Variants in DLGAP1 observed in about 807,000 individuals in gnomAD.
DLGAP1 encodes disks large-associated protein 1.
A neutral mutation model predicts 90.8 loss-of-function variants in DLGAP1; 11 were observed. That is an observed-to-expected ratio of 0.12 (90% CI 0.08 to 0.20). The LOEUF is 0.20. DLGAP1 is among the 10% of genes least tolerant of loss of function. DLGAP1 has a pLI of 1.00. For synonymous variants in DLGAP1, 558 were observed against 540.7 expected (o/e 1.03, Z -0.44); for missense variants, 1,050 against 1,333.8 (o/e 0.79, Z 3.31).
At chr18:3,596,709 C>A in intron 7 of DLGAP1, 2 of 423,444 alleles carry the variant, frequency 4.7e-6, no homozygotes. Context: ...TACATGAAGG[C>A]GTGAACAGGG....
intron 1 of DLGAP1, among the ~76,000 whole-genome samples, chr18:4,321,935 C>G (rs370286316): frequency 6.8e-6 from 1 of 147,804 alleles, no homozygotes; most frequent in African/African-American, 2.6e-5. Flanking sequence ...GGGTGGTTCA[C>G]GCCTGTAAAC....
intron 1 of DLGAP1, among the ~76,000 whole-genome samples, chr18:4,397,068 G>A (rs78385120): frequency 7.6e-4 from 115 of 152,232 alleles, no homozygotes; most frequent in African/African-American, 2.7e-3. Context: ...ACCAAGGCAG[G>A]GTGTTTAAAC....
chr18:4,171,982 T>C (rs1006345605), intron 1 of DLGAP1, among the ~76,000 whole-genome samples: 6 of 152,206 alleles, frequency 3.9e-5, no homozygotes, highest in Non-Finnish European at 7.3e-5. Context: ...GATTTTTCCT[T>C]CTAGCACTTG....
chr18:4,387,275 AAAAG>A (rs1040162964), intron 1 of DLGAP1, among the ~76,000 whole-genome samples: 6 of 152,224 alleles, frequency 3.9e-5, no homozygotes, highest in African/African-American at 1.4e-4. Context: ...GGGGAGTAAA[AAAAG>A]AATTTAATAG....
chr18:4,353,465 C>T (rs2081441261), intron 1 of DLGAP1, among the ~76,000 whole-genome samples: 1 of 152,172 alleles, frequency 6.6e-6, no homozygotes, highest in African/African-American at 2.4e-5. Context: ...CAGGAGATTG[C>T]AACCTCCGTG....
intron 1 of DLGAP1, among the ~76,000 whole-genome samples, chr18:4,226,968 C>T (rs903690496): frequency 1.3e-5 from 2 of 151,658 alleles, no homozygotes; most frequent in South Asian, 4.1e-4. Flanking sequence ...AAGAAGGGCA[C>T]TTCACCTATA....
chr18:3,714,404 A>AT (rs2061691518), intron 7 of DLGAP1, among the ~76,000 whole-genome samples: 1 of 152,198 alleles, frequency 6.6e-6, no homozygotes, highest in Non-Finnish European at 1.5e-5. Context: ...AGGGATGGAA[A>AT]TACAATCCCA....
intron 1 of DLGAP1, among the ~76,000 whole-genome samples, chr18:4,385,494 A>C (rs1431815351): frequency 3.9e-5 from 6 of 152,138 alleles, no homozygotes; most frequent in Non-Finnish European, 7.3e-5. Flanking sequence ...CCTTAGCAGA[A>C]AACTCTGTTG....
At chr18:3,793,911 A>T (rs1163097516) in intron 5 of DLGAP1, among the ~76,000 whole-genome samples, 1 of 151,850 alleles carries the variant, frequency 6.6e-6, no homozygotes, top group African/African-American at 2.4e-5. Context: ...CTTGCTCTTT[A>T]TGTCACTTAT....
In DLGAP1 at chr18:3,660,897, G is replaced by C. The variant is rs1360988537; in HGVS notation, c.1591+68238C>G. Among the ~76,000 whole-genome samples, 1 of 151,980 alleles carries C rather than the reference G, an allele frequency of 6.6e-6. No individual in the cohort carries two copies. Among genetic ancestry groups the C allele is most frequent in the Non-Finnish European group, 1.5e-5 (1 of 68,008 alleles). On this transcript the variant is annotated intron_variant, in intron 7 of 12. Transcript: ENST00000315677. The surrounding 1 kb of genome is among the most constrained non-coding windows in gnomAD (Gnocchi z 4.2). ...TCTTGTCTCAACTGTCATCACCCTGGGCCAAATTATGACAGCAATGTTCAC... is the reference window on the plus strand; with the variant it reads ...TCTTGTCTCAACTGTCATCACCCTGCGCCAAATTATGACAGCAATGTTCAC...
At chr18:4,453,393 G>C (rs913622773) in intron 1 of DLGAP1, among the ~76,000 whole-genome samples, 5 of 152,092 alleles carry the variant, frequency 3.3e-5, no homozygotes, top group Non-Finnish European at 7.4e-5. Context: ...AATAAATTAG[G>C]ATCTTGTAAA....
chr18:3,858,351 T>C (rs1431737163), intron 4 of DLGAP1, among the ~76,000 whole-genome samples: 1 of 152,064 alleles, frequency 6.6e-6, no homozygotes, highest in Non-Finnish European at 1.5e-5. Flanking sequence ...GAGAGCTCTT[T>C]GAGGGCAAGA....
At chr18:3,990,082 T>A (rs1397609761) in intron 3 of DLGAP1, among the ~76,000 whole-genome samples, 4 of 152,278 alleles carry the variant, frequency 2.6e-5, no homozygotes, top group African/African-American at 9.6e-5. Context: ...TGGTGATTCC[T>A]CAGGGATCTA....
chr18:3,984,071 A>G (rs1264042726), intron 3 of DLGAP1: 1 of 152,234 alleles, frequency 6.6e-6, no homozygotes, highest in East Asian at 1.9e-4. Flanking sequence ...AAGCTTCTGA[A>G]ACTTCTCCAA....
At chr18:4,212,909 C>G (rs533855559) in intron 1 of DLGAP1, among the ~76,000 whole-genome samples, 9 of 152,152 alleles carry the variant, frequency 5.9e-5, no homozygotes, top group Non-Finnish European at 1.2e-4. Context: ...TTAAATTTGT[C>G]ATAAATAAGA....
rs183070474 is a variant in DLGAP1, at chr18:3,593,619, G to A, written c.1592-11371C>T. ...GGAGGAGAGGGGATGTGAATGAAAT[G>A]GAGGGTAGTGTAATAATTCCTGTAG... On this transcript the variant is annotated intron_variant, in intron 7 of 12. Transcript: ENST00000315677. 7.9e-5 allele frequency: 12 copies of A among 152,314 alleles called. No homozygotes were observed. The East Asian group carries it at 2.3e-3, about 29-fold the overall frequency. The allele number at this position is 152,314 out of a possible 1,614,324, so 9.4% of individuals were successfully genotyped here. A position where few individuals can be genotyped will look rare whatever the true frequency, so the allele number is the denominator to read the frequency against.
At chr18:3,892,750 T>C (rs2071503386) in intron 3 of DLGAP1, among the ~76,000 whole-genome samples, 1 of 151,980 alleles carries the variant, frequency 6.6e-6, no homozygotes, top group South Asian at 2.1e-4. Context: ...TGTGAAAACA[T>C]CTCAATTTAG....
intron 1 of DLGAP1, among the ~76,000 whole-genome samples, chr18:4,315,224 T>A (rs2080498074): frequency 6.6e-6 from 1 of 152,166 alleles, no homozygotes; most frequent in African/African-American, 2.4e-5. Context: ...AGAAGGTGTT[T>A]ATACAATATA....
intron 2 of DLGAP1, among the ~76,000 whole-genome samples, chr18:4,148,316 A>T (rs2076619835): frequency 6.6e-6 from 1 of 152,224 alleles, no homozygotes; most frequent in Admixed American, 6.5e-5. Context: ...AAGAATAAAA[A>T]TAGTAAGTCT....
Sources: gnomAD v4.1 joint callset for allele counts (sites outside exome capture counted in the v4.1 genomes callset) on GRCh38, gnomAD v4.1.1 for gene constraint, Gnocchi (gnomAD v3.1) non-coding constraint, MANE v1.5 for transcripts, NCBI Gene and HGNC (gene_info 2026-07-23, HGNC 2026-07-21) for gene names.